The following ARCN1 variants were observed in gnomAD, a reference collection of about 807,000 sequenced individuals.
ARCN1 encodes the protein archain 1 coat protein complex I subunit delta.
Under a neutral mutation model 60.4 loss-of-function variants are expected in ARCN1, and 5 were observed. That is an observed-to-expected ratio of 0.08 (90% CI 0.04 to 0.17). ARCN1 has a LOEUF of 0.17. ARCN1 is among the 10% of genes least tolerant of loss of function. ARCN1 has a pLI of 1.00. For missense variants in ARCN1, 464 were observed against 626.5 expected (o/e 0.74, Z 2.77); for synonymous variants, 224 against 220.0 (o/e 1.02, Z -0.16).
At chr11:118,592,232 G>A (rs1555076420) in intron 6 of ARCN1, among the ~76,000 whole-genome samples, 1 of 152,124 alleles carries the variant, frequency 6.6e-6, no homozygotes, top group African/African-American at 2.4e-5. Flanking sequence ...TAATTGGCTT[G>A]GATTTTAACA....
intron 5 of ARCN1, among the ~76,000 whole-genome samples, chr11:118,586,747 G>GA (rs1938787503): frequency 6.6e-6 from 1 of 151,708 alleles, no homozygotes. Flanking sequence ...AGCTACTCAG[G>GA]AGGCTGAGGC....
Position 118,597,740 on chromosome 11 carries a change from C to A in ARCN1, c.1275C>A (p.Ile425=), listed in dbSNP as rs782201444. 2 of 1,614,090 alleles carry A rather than the reference C, an allele frequency of 1.2e-6. No homozygotes were observed. The highest frequency in any genetic ancestry group is 1.7e-6 in the Non-Finnish European group (2 of 1,180,024). The change falls in exon 9 of 10, where the codon ATC becomes ATA. Residue 425 remains isoleucine, a synonymous_variant. Coordinates refer to ENST00000264028, the MANE Select transcript of ARCN1 (RefSeq NM_001655.5). ...TCGGCGCGCCTGTTATCGGTGAGAT[C>A]GATGGGGAGTATCGACATGACAGTC... ...SGVGAPVIGE[I]DGEYRHDSRR...
intron 1 of ARCN1, among the ~76,000 whole-genome samples, chr11:118,580,447 T>C (rs1432625670): frequency 1.3e-5 from 2 of 152,188 alleles, no homozygotes; most frequent in Non-Finnish European, 2.9e-5. Flanking sequence ...CAGACAATTA[T>C]TTTAGTTCAA....
rs962742725 is a variant in ARCN1 at position 118,602,908 on chromosome 11, A to G, written c.*2194A>G. 1.6e-4 allele frequency: 24 copies of G among 153,758 alleles called. No individual in the cohort carries two copies. The highest frequency in any genetic ancestry group is 5.3e-4 in the African/African-American group (22 of 41,454). 9.5% of individuals were successfully genotyped at this position (153,758 alleles called of 1,614,324 possible). A position where few individuals can be genotyped will look rare whatever the true frequency, so the allele number is the denominator to read the frequency against. On this transcript the variant is annotated 3_prime_UTR_variant, in exon 10 of 10. Coordinates refer to ENST00000264028, the MANE Select transcript of ARCN1 (RefSeq NM_001655.5). ...CAAAGAAGGCAAATTCTTTAATCAA[A>G]TAAAGCGCATTATAAAATGAGATGT...
At chr11:118,583,769 C>CA (rs111590377) in intron 3 of ARCN1, 40 bp from the exon 4 acceptor site, 2,723 of 1,338,112 alleles carry the variant, frequency 2.0e-3, no homozygotes, top group African/African-American at 5.6e-3. Flanking sequence ...AACAAAAACC[C>CA]AAAAAAAAAA....
rs1161304214 is a variant in ARCN1 at position 118,581,933 on chromosome 11, G to GACACACACACACACACACACAC, written c.267+427_267+428insCACACACACACACACACACACA. 1.4e-4 allele frequency among the ~76,000 whole-genome samples: 19 copies of GACACACACACACACACACACAC among 132,220 alleles called. 1 individual carries two copies. The South Asian group carries it at 2.1e-3, about 15-fold the overall frequency. The allele number at this position is 132,220 out of a possible 152,430, so 86.7% of individuals were successfully genotyped here. A position where few individuals can be genotyped will look rare whatever the true frequency, so the allele number is the denominator to read the frequency against. On this transcript the variant is annotated intron_variant, in intron 2 of 9. Transcript: ENST00000264028. ...TTACTGATCCAGAGACAGACAGACA[G>GACACACACACACACACACACAC]ACAGACACACACACACACACACACA...
At chr11:118,593,558 A>G in intron 7 of ARCN1, 32 bp from the exon 8 acceptor site, 2 of 1,495,774 alleles carry the variant, frequency 1.3e-6, no homozygotes, top group South Asian at 2.3e-5. Context: ...TTTTTCTAAT[A>G]TTCTAGTATG....
At chr11:118,578,163 AAAAAT>A (rs1157233125) in intron 1 of ARCN1, among the ~76,000 whole-genome samples, 2 of 121,166 alleles carry the variant, frequency 1.7e-5, no homozygotes, top group Admixed American at 9.3e-5. Flanking sequence ...CACTCTCTCA[AAAAAT>A]AAATAAATAA....
intron 2 of ARCN1, among the ~76,000 whole-genome samples, chr11:118,582,567 A>AT (rs1938682333): frequency 6.6e-6 from 1 of 151,178 alleles, no homozygotes; most frequent in South Asian, 2.1e-4. Context: ...TCTACTCAAA[A>AT]TACAAAAAAA....
chr11:118,592,875 T>C lies in ARCN1; in HGVS notation c.1132+19T>C, dbSNP rs782069865. On this transcript the variant is annotated intron_variant, in intron 7 of 9. Coordinates refer to ENST00000264028, the MANE Select transcript of ARCN1 (RefSeq NM_001655.5). ...CTGACAAGTAAGTGCCTCTGGCCAG[T>C]CCCACTAAGCTAGTTTGCATTGAGA... is the stretch of plus-strand genomic sequence containing the variant. The C allele has an allele frequency of 3.1e-6, 5 of 1,608,890 alleles. No homozygotes were observed. The highest frequency in any genetic ancestry group is 4.2e-6 in the Non-Finnish European group (5 of 1,176,740).
intron 1 of ARCN1, 62 bp from the exon 2 acceptor site, chr11:118,581,184 G>A: frequency 6.3e-7 from 1 of 1,582,900 alleles, no homozygotes; most frequent in Non-Finnish European, 8.6e-7. Flanking sequence ...CATTTCCTGA[G>A]ATGCTGAGAA....
intron 1 of ARCN1, 44 bp downstream of exon 1, chr11:118,572,594 A>G: frequency 1.3e-6 from 2 of 1,596,460 alleles, no homozygotes; most frequent in Non-Finnish European, 1.7e-6. Flanking sequence ...TCCGAGCCTC[A>G]CCGTCTCTCC....
chr11:118,595,187 G>T (rs1938999849), intron 8 of ARCN1, among the ~76,000 whole-genome samples: 1 of 152,188 alleles, frequency 6.6e-6, no homozygotes, highest in African/African-American at 2.4e-5. Context: ...CAGCTTGTTT[G>T]TGTAGTAATG....
rs1938876403 is a variant in ARCN1 at position 118,590,414 on chromosome 11, C to T, written c.892C>T (p.His298Tyr). 6.2e-7 allele frequency: 1 copy of T among 1,614,094 alleles called. No homozygotes were observed. The highest frequency in any genetic ancestry group is 2.2e-5 in the East Asian group (1 of 44,890). The change falls in exon 6 of 10, where the codon CAT (histidine) becomes TAT (tyrosine). Residue 298 changes from histidine (H) to tyrosine (Y), a missense_variant. Around this residue, in one of 2 missense-constraint regions of ARCN1, gnomAD observed 359 missense variants for 440.2 expected, o/e 0.82. Transcript: ENST00000264028. The part of the protein sequence containing the change: ...RDGGLQNMEL[H>Y]GMIMLRISDD... ...CGGAGGATTACAGAATATGGAGTTGCATGGCATGATCATGCTTAGGATCTC... is the reference window on the plus strand; with the variant it reads ...CGGAGGATTACAGAATATGGAGTTGTATGGCATGATCATGCTTAGGATCTC...
chr11:118,583,042 AAAAAT>A (rs1229937141), intron 2 of ARCN1, 132 bp from the exon 3 acceptor site: 27 of 1,068,194 alleles, frequency 2.5e-5, no homozygotes, highest in Middle Eastern at 5.0e-4. Flanking sequence ...CTCTGTCCCA[AAAAAT>A]AAAATAAAGA....
chr11:118,592,804 G>A lies in ARCN1; in HGVS notation c.1080G>A (p.Gly360=), dbSNP rs781832837. ...EKSFPVNSDV[G]VLKWRLQTTE... ...CATTTCCAGTCAACAGTGACGTAGG[G>A]GTGCTAAAGTGGAGACTACAAACCA... The change falls in exon 7 of 10, where the codon GGG becomes GGA. Residue 360 remains glycine, a synonymous_variant. Transcript: ENST00000264028. The A allele has an allele frequency of 1.2e-6, 2 of 1,613,980 alleles. No individual in the cohort carries two copies. Among genetic ancestry groups the A allele is most frequent in the African/African-American group, 1.3e-5 (1 of 74,888 alleles).
intron 8 of ARCN1, among the ~76,000 whole-genome samples, chr11:118,595,823 T>C (rs1444723603): frequency 6.6e-6 from 1 of 152,190 alleles, no homozygotes; most frequent in African/African-American, 2.4e-5. Flanking sequence ...ATCCCAGCAC[T>C]TTGGGAGGCC....
chr11:118,594,657 C>T (rs1302287936), intron 8 of ARCN1, among the ~76,000 whole-genome samples: 1 of 152,170 alleles, frequency 6.6e-6, no homozygotes, highest in African/African-American at 2.4e-5. Flanking sequence ...TCAAGTGATT[C>T]TCCTGCCTCA....
intron 7 of ARCN1, 69 bp from the exon 8 acceptor site, chr11:118,593,521 A>C: frequency 9.2e-7 from 1 of 1,083,112 alleles, no homozygotes; most frequent in Non-Finnish European, 1.4e-6. Flanking sequence ...CTGGGGTTAC[A>C]GGCATGAGCC....
Sources: gnomAD v4.1 joint callset for allele counts (sites outside exome capture counted in the v4.1 genomes callset) on GRCh38, gnomAD v4.1.1 for gene constraint, gnomAD v4.1.1 regional missense constraint, MANE v1.5 for transcripts, NCBI Gene and HGNC (gene_info 2026-07-23, HGNC 2026-07-21) for gene names.